The following THUMPD2 variants were observed in gnomAD, a reference collection of about 807,000 sequenced individuals.
THUMPD2 encodes the protein THUMP domain 2 tRNA and snRNA guanosine methyltransferase.
A neutral mutation model predicts 49.4 loss-of-function variants in THUMPD2; 56 were observed. The observed-to-expected ratio is 1.13, with a 90% CI of 0.91 to 1.41. The LOEUF (loss-of-function observed/expected upper bound fraction) is 1.41, where lower values mean the gene tolerates loss of function less well. Ranked by LOEUF, THUMPD2 falls within the 40% of genes most tolerant of loss-of-function variation. The pLI is 0.00. For missense variants in THUMPD2, 709 were observed against 594.5 expected (o/e 1.19, Z -2.00); for synonymous variants, 237 against 205.2 (o/e 1.15, Z -1.32).
Position 39,737,211 on chromosome 2 carries a change from T to C in THUMPD2, c.1188-152A>G, listed in dbSNP as rs1401567522. The C allele has an allele frequency of 2.6e-5, 18 of 687,478 alleles. No individual in the cohort carries two copies. In the East Asian group the frequency reaches 5.0e-4, roughly 19 times the overall value. 42.6% of individuals were successfully genotyped at this position (687,478 alleles called of 1,614,324 possible). ...TTTGATAATTAGGTAGTATCTTCTATAATGTATATTCATTATAGTAATTAT... is the reference window on the plus strand; with the variant it reads ...TTTGATAATTAGGTAGTATCTTCTACAATGTATATTCATTATAGTAATTAT... On this transcript the variant is annotated intron_variant, in intron 9 of 9. Transcript: ENST00000505747.
At chr2:39,743,794 G>T (rs1007475632) in intron 9 of THUMPD2, among the ~76,000 whole-genome samples, 3 of 152,172 alleles carry the variant, frequency 2.0e-5, no homozygotes, top group African/African-American at 7.2e-5. Context: ...ACAGACTGCA[G>T]AATCATGAGC....
chr2:39,770,531 G>A (rs1018718080), intron 2 of THUMPD2, among the ~76,000 whole-genome samples: 5 of 151,986 alleles, frequency 3.3e-5, no homozygotes, highest in African/African-American at 9.7e-5. Flanking sequence ...CAGAAACAGA[G>A]GAGCTGAATC....
rs758031052 is a variant in THUMPD2, at chr2:39,770,134, T to C, written c.263-15A>G. 1.4e-6 allele frequency: 2 copies of C among 1,449,882 alleles called. No homozygotes were observed. The highest frequency in any genetic ancestry group is 2.9e-5 in the African/African-American group (2 of 68,464). 89.8% of individuals were successfully genotyped at this position (1,449,882 alleles called of 1,614,324 possible). On this transcript the variant is annotated splice_polypyrimidine_tract_variant and intron_variant, in intron 2 of 9. Transcript: ENST00000505747. ...AAATATTTTTCCTAAATAAGAAAAA[T>C]CTTGTTGATCCTCTATTGAAGCTTT...
chr2:39,752,368 A>G (rs1484501373), intron 8 of THUMPD2, among the ~76,000 whole-genome samples: 1 of 152,170 alleles, frequency 6.6e-6, no homozygotes, highest in African/African-American at 2.4e-5. Flanking sequence ...ACTTGGTGTG[A>G]CTCTTAAAGT....
rs373493949 is a variant in THUMPD2 at position 39,769,015 on chromosome 2, G to A, written c.673-514C>T. 22 of 1,304,540 alleles carry A rather than the reference G, an allele frequency of 1.7e-5. No individual in the cohort carries two copies. The East Asian group carries it at 3.3e-4, about 20-fold the overall frequency. 80.8% of individuals were successfully genotyped at this position (1,304,540 alleles called of 1,614,324 possible). ...GGTCTGGTGATGGCAACAGTTTGTG[G>A]TGTTCGCTCTTCTCTACATTGCTGA... On this transcript the variant is annotated intron_variant, in intron 3 of 9. Transcript: ENST00000505747.
intron 8 of THUMPD2, among the ~76,000 whole-genome samples, chr2:39,745,856 C>A (rs1426536441): frequency 6.6e-6 from 1 of 152,204 alleles, no homozygotes; most frequent in East Asian, 1.9e-4. Flanking sequence ...GCAGTGTCAT[C>A]TTCCAATAGA....
In THUMPD2 at chr2:39,769,859, T is replaced by A. The variant is rs546966668; in HGVS notation, c.523A>T (p.Arg175Ter). The stretch of plus-strand genomic sequence containing the variant: ...TTTTCGCTTTTAGTGGTAAAATCTC[T>A]TTGCTCCAGAGTTTCTTCTTTTATT... ...KQIKEETLEQ[R>*]DFTTKSEKFQ... The change falls in exon 3 of 10, where the codon AGA (arginine) becomes TGA (stop). Residue 175 changes from arginine to a stop codon, truncating the protein, a stop_gained. Coordinates refer to ENST00000505747, the MANE Select transcript of THUMPD2 (RefSeq NM_025264.5). LOFTEE classifies it high-confidence loss of function. 6.2e-7 allele frequency: 1 copy of A among 1,611,594 alleles called. No individual in the cohort carries two copies. Among genetic ancestry groups the A allele is most frequent in the South Asian group, 1.1e-5 (1 of 90,552 alleles).
chr2:39,768,985 G>A (rs182616570), intron 3 of THUMPD2: 742 of 1,304,608 alleles, frequency 5.7e-4, no homozygotes, highest in Non-Finnish European at 6.6e-4. Flanking sequence ...AGGGCCAACT[G>A]ATGAGGTCTG....
chr2:39,761,867 AG>A (rs976432360), intron 5 of THUMPD2, among the ~76,000 whole-genome samples: 1 of 152,102 alleles, frequency 6.6e-6, no homozygotes, highest in Non-Finnish European at 1.5e-5. Context: ...TCCCTTTTGT[AG>A]GTTTGTTTTT....
intron 1 of THUMPD2, among the ~76,000 whole-genome samples, chr2:39,774,618 C>G (rs1036906860): frequency 1.3e-5 from 2 of 152,132 alleles, no homozygotes; most frequent in Admixed American, 6.5e-5. Context: ...AGGTATGATA[C>G]CTTAAAATAG....
rs184568489 is a variant in THUMPD2, at chr2:39,760,813, C to A, written c.891+518G>T. ...ATTGATAGTCATGAACATGTATATACCAAGCCACATGACAGCTGAATAATT... is the reference window on the plus strand; with the variant it reads ...ATTGATAGTCATGAACATGTATATAACAAGCCACATGACAGCTGAATAATT... On this transcript the variant is annotated intron_variant, in intron 6 of 9. Coordinates refer to ENST00000505747, the MANE Select transcript of THUMPD2 (RefSeq NM_025264.5). Among the ~76,000 whole-genome samples the A allele has an allele frequency of 2.0e-3, 305 of 152,144 alleles. 7 individuals carry two copies. The highest frequency in any genetic ancestry group is 0.019 in the Admixed American group (283 of 15,282).
chr2:39,769,499 C>G, intron 3 of THUMPD2: 1 of 433,844 alleles, frequency 2.3e-6, no homozygotes, highest in Non-Finnish European at 3.9e-6. Flanking sequence ...GTCAGGAGTT[C>G]CAGACCAGCC....
intron 1 of THUMPD2, among the ~76,000 whole-genome samples, chr2:39,778,254 T>C (rs902983389): frequency 6.6e-6 from 1 of 152,242 alleles, no homozygotes; most frequent in Non-Finnish European, 1.5e-5. Flanking sequence ...TTGATGCTTT[T>C]TAAGATTAGC....
intron 9 of THUMPD2, among the ~76,000 whole-genome samples, chr2:39,743,385 T>TTA (rs1251504461): frequency 6.6e-6 from 1 of 152,242 alleles, no homozygotes; most frequent in Admixed American, 6.5e-5. Context: ...TTCCACTGAA[T>TTA]TATATTCCCT....
At position 39,769,809 on chromosome 2, in the gene THUMPD2, A is replaced by T; in HGVS notation, c.573T>A (p.Asn191Lys). The T allele has an allele frequency of 6.2e-7, 1 of 1,611,476 alleles. No homozygotes were observed. Among genetic ancestry groups the T allele is most frequent in the African/African-American group, 1.3e-5 (1 of 74,418 alleles). The change falls in exon 3 of 10, where the codon AAT becomes AAA. Residue 191 changes from asparagine (N) to lysine (K), a missense_variant. Physicochemically the swap from Asn to Lys is moderately conservative, Grantham distance 94. Coordinates refer to ENST00000505747, the MANE Select transcript of THUMPD2 (RefSeq NM_025264.5). ...SEKFQEEEFQ[N>K]DIEKAIDTHN... is the part of the protein sequence containing the mutation. ...GAGTATCAATTGCTTTCTCTATGTC[A>T]TTCTGAAATTCTTCTTCTTGAAACT... is the stretch of plus-strand genomic sequence containing the variant.
chr2:39,776,767 G>T (rs1362874045), intron 1 of THUMPD2, among the ~76,000 whole-genome samples: 2 of 152,102 alleles, frequency 1.3e-5, no homozygotes, highest in African/African-American at 4.8e-5. Flanking sequence ...AGAATACACA[G>T]GAAATTTTCC....
chr2:39,754,600 T>A (rs1675850611), intron 8 of THUMPD2, among the ~76,000 whole-genome samples: 1 of 152,170 alleles, frequency 6.6e-6, no homozygotes, highest in Non-Finnish European at 1.5e-5. Context: ...GGGAGAGACA[T>A]ATACTGGGGG....
intron 9 of THUMPD2, among the ~76,000 whole-genome samples, chr2:39,741,949 G>A (rs773732113): frequency 2.6e-5 from 4 of 152,014 alleles, no homozygotes; most frequent in Admixed American, 6.6e-5. Context: ...AAAAAATCAG[G>A]TAAGTGATAA....
intron 4 of THUMPD2, among the ~76,000 whole-genome samples, chr2:39,767,803 C>T (rs1296170491): frequency 4.6e-5 from 7 of 151,758 alleles, no homozygotes; most frequent in Non-Finnish European, 8.8e-5. Flanking sequence ...TTTATTTGGC[C>T]AGTTATTACT....
Sources: allele counts gnomAD v4.1 joint callset (sites outside exome capture counted in the v4.1 genomes callset), GRCh38; gene constraint gnomAD v4.1.1; transcripts MANE v1.5; gene names NCBI Gene and HGNC (gene_info 2026-07-23, HGNC 2026-07-21).